The following TMTC2 variants were observed in gnomAD, a reference collection of about 807,000 sequenced individuals.
The protein encoded by TMTC2 is protein O-mannosyl-transferase TMTC2.
TMTC2 carries 43 observed loss-of-function variants against 82.4 expected under a neutral mutation model. The observed-to-expected ratio is 0.52, with a 90% CI of 0.41 to 0.67. The LOEUF is 0.67. TMTC2 is among the 30% of genes least tolerant of loss of function. The probability of loss-of-function intolerance (pLI) is 0.00; values close to 1 mark genes in which losing one functional copy is unlikely to be tolerated. For missense variants in TMTC2, 919 were observed against 1,012.4 expected (o/e 0.91, Z 1.25); for synonymous variants, 408 against 381.9 (o/e 1.07, Z -0.80).
intron 3 of TMTC2, among the ~76,000 whole-genome samples, chr12:82,903,411 G>A (rs2137195123): frequency 6.6e-6 from 1 of 152,080 alleles, no homozygotes; most frequent in South Asian, 2.1e-4. Context: ...TTTTTGTTTT[G>A]TTTTTGTTTT....
intron 11 of TMTC2, among the ~76,000 whole-genome samples, chr12:83,109,216 T>TG (rs965266749): frequency 7.2e-5 from 11 of 152,224 alleles, no homozygotes; most frequent in East Asian, 1.9e-4. Flanking sequence ...GCTCAGCTTC[T>TG]GGGGGGGCCT....
At chr12:82,814,204 CAG>C (rs1868558877) in intron 1 of TMTC2, among the ~76,000 whole-genome samples, 1 of 152,056 alleles carries the variant, frequency 6.6e-6, no homozygotes, top group South Asian at 2.1e-4. Context: ...AAGTAAGAAA[CAG>C]TGTTACTGAA....
At chr12:83,020,060 C>T (rs979751255) in intron 8 of TMTC2, among the ~76,000 whole-genome samples, 4 of 152,178 alleles carry the variant, frequency 2.6e-5, no homozygotes, top group African/African-American at 9.7e-5. Flanking sequence ...GCTAATCATA[C>T]AAATATTTTG....
intron 2 of TMTC2, among the ~76,000 whole-genome samples, chr12:82,859,831 G>A (rs550652667): frequency 6.6e-6 from 1 of 152,186 alleles, no homozygotes; most frequent in Non-Finnish European, 1.5e-5. Flanking sequence ...CTAGGCAATG[G>A]CAGCAGCAAG....
chr12:82,789,486 C>A (rs932599210), intron 1 of TMTC2, among the ~76,000 whole-genome samples: 1 of 152,050 alleles, frequency 6.6e-6, no homozygotes, highest in African/African-American at 2.4e-5. Flanking sequence ...TGGAAAGATT[C>A]ATTAGAGTTT....
chr12:83,110,578 T>G (rs1249162053), intron 11 of TMTC2, among the ~76,000 whole-genome samples: 2 of 152,198 alleles, frequency 1.3e-5, no homozygotes, highest in Non-Finnish European at 2.9e-5. Flanking sequence ...CATCGTTAGA[T>G]TAATTTGTTC....
chr12:82,926,596 T>A (rs1266364993), intron 3 of TMTC2, among the ~76,000 whole-genome samples: 1 of 152,218 alleles, frequency 6.6e-6, no homozygotes, highest in African/African-American at 2.4e-5. Flanking sequence ...TTTCAGTGTA[T>A]ACAAAACAGA....
intron 1 of TMTC2, among the ~76,000 whole-genome samples, chr12:82,717,849 G>A (rs994786491): frequency 2.6e-5 from 4 of 152,084 alleles, no homozygotes; most frequent in Non-Finnish European, 4.4e-5. Flanking sequence ...ACAAAATAAA[G>A]TCGCCAACAA....
At chr12:83,020,260 A>C (rs1174835110) in intron 8 of TMTC2, among the ~76,000 whole-genome samples, 3 of 152,198 alleles carry the variant, frequency 2.0e-5, no homozygotes, top group African/African-American at 7.2e-5. Flanking sequence ...GGCTCAACAC[A>C]GCACTGGGCA....
At chr12:82,935,023 C>T (rs1017644851) in intron 4 of TMTC2, among the ~76,000 whole-genome samples, 1 of 151,878 alleles carries the variant, frequency 6.6e-6, no homozygotes, top group African/African-American at 2.4e-5. Context: ...AAAAAATAAC[C>T]TTTATATGTA....
chr12:82,767,243 T>C (rs1417906877), intron 1 of TMTC2, among the ~76,000 whole-genome samples: 2 of 152,278 alleles, frequency 1.3e-5, no homozygotes, highest in Admixed American at 6.5e-5. Flanking sequence ...TTAATTTCTC[T>C]TTTTTCTGCT....
intron 8 of TMTC2, among the ~76,000 whole-genome samples, chr12:82,997,221 C>CTCTCTCTCTCTATA (rs1451262969): frequency 5.7e-4 from 67 of 118,544 alleles, no homozygotes; most frequent in African/African-American, 2.4e-3. Context: ...CTCTCTCTCT[C>CTCTCTCTCTCTATA]TATATATATA....
chr12:83,044,004 T>A (rs1202532940), intron 9 of TMTC2, among the ~76,000 whole-genome samples: 1 of 152,216 alleles, frequency 6.6e-6, no homozygotes, highest in Non-Finnish European at 1.5e-5. Flanking sequence ...AGAGTCCTAA[T>A]ATCAGAGCCA....
chr12:82,916,205 A>G (rs1197027289), intron 3 of TMTC2, among the ~76,000 whole-genome samples: 1 of 152,212 alleles, frequency 6.6e-6, no homozygotes, highest in African/African-American at 2.4e-5. Context: ...ATATTCCCCA[A>G]GTGTTCCATT....
chr12:82,764,281 G>T (rs1260528718), intron 1 of TMTC2, among the ~76,000 whole-genome samples: 2 of 152,066 alleles, frequency 1.3e-5, no homozygotes, highest in Non-Finnish European at 2.9e-5. Context: ...GAGATTACAG[G>T]CATGCACCAC....
At chr12:82,946,822 A>G (rs964919802) in intron 4 of TMTC2, among the ~76,000 whole-genome samples, 1 of 150,800 alleles carries the variant, frequency 6.6e-6, no homozygotes, top group African/African-American at 2.4e-5. Flanking sequence ...GCTCACTGCA[A>G]GCTCCACCTC....
intron 2 of TMTC2, among the ~76,000 whole-genome samples, chr12:82,870,069 G>C (rs1269639220): frequency 1.3e-5 from 2 of 152,082 alleles, no homozygotes; most frequent in Non-Finnish European, 2.9e-5. Flanking sequence ...CTGGAGACTA[G>C]TATTGGAATT....
chr12:82,827,299 A>G (rs547462584), intron 1 of TMTC2, among the ~76,000 whole-genome samples: 1 of 152,196 alleles, frequency 6.6e-6, no homozygotes, highest in Non-Finnish European at 1.5e-5. Context: ...GAACAAGAGA[A>G]AAGTAAGTCA....
intron 1 of TMTC2, among the ~76,000 whole-genome samples, chr12:82,802,285 C>A (rs1879047842): frequency 6.6e-6 from 1 of 152,208 alleles, no homozygotes; most frequent in African/African-American, 2.4e-5. Context: ...GCCGCTGAGC[C>A]CACGCCCACC....
Sources: gnomAD v4.1 joint callset for allele counts (sites outside exome capture counted in the v4.1 genomes callset) on GRCh38, gnomAD v4.1.1 for gene constraint, MANE v1.5 for transcripts, NCBI Gene and HGNC (gene_info 2026-07-23, HGNC 2026-07-21) for gene names.